TMC8: variants seen among roughly 807,000 people sequenced by gnomAD.
The protein encoded by TMC8 is transmembrane channel like 8.
Under a neutral mutation model 76.0 loss-of-function variants are expected in TMC8, and 71 were observed. That is an observed-to-expected ratio of 0.93 (90% CI 0.77 to 1.14). The LOEUF is 1.14. Ranked by LOEUF, TMC8 falls within the 50% of genes most tolerant of loss-of-function variation. TMC8 has a pLI of 0.00. For missense variants in TMC8, 924 were observed against 947.9 expected, an observed-to-expected ratio of 0.97 and a Z score of 0.33; for synonymous variants, 433 against 433.8, an observed-to-expected ratio of 1.00 and a Z score of 0.02.
chr17:78,131,419 A>C lies in TMC8; in HGVS notation c.-170A>C. The C allele has an allele frequency of 1.1e-6, 1 of 890,962 alleles. No homozygotes were observed. Among genetic ancestry groups the C allele is most frequent in the Admixed American group, 2.3e-5 (1 of 43,584 alleles). The allele number at this position is 890,962 out of a possible 1,614,324, so 55.2% of individuals were successfully genotyped here. A position where few individuals can be genotyped will look rare whatever the true frequency, so the allele number is the denominator to read the frequency against. On this transcript the variant is annotated 5_prime_UTR_variant, in exon 2 of 16. Coordinates refer to ENST00000318430, the MANE Select transcript of TMC8 (RefSeq NM_152468.5). ...CGGCAGACCCGGGCAAGTGAACCCTAGGGCTGCAGGAGCCCAGGCCCCGAC... is the reference window on the plus strand; with the variant it reads ...CGGCAGACCCGGGCAAGTGAACCCTCGGGCTGCAGGAGCCCAGGCCCCGAC...
At chr17:78,132,172 G>A in intron 3 of TMC8, 142 bp downstream of exon 3, 1 of 1,412,388 alleles carries the variant, frequency 7.1e-7, no homozygotes, top group Middle Eastern at 2.0e-4. Context: ...CACCCCTTCC[G>A]CCCGCAGGCA....
At position 78,133,985 on chromosome 17, in the gene TMC8, C is replaced by G. The variant is rs767152216; in HGVS notation, c.801C>G (p.Ile267Met). The G allele has an allele frequency of 1.3e-5, 21 of 1,613,662 alleles. No homozygotes were observed. Among genetic ancestry groups the G allele is most frequent in the Non-Finnish European group, 1.7e-5 (20 of 1,180,052 alleles). ...QEAATIKKHEISNEFKVELEE... is the reference protein window; with the variant it reads ...QEAATIKKHEMSNEFKVELEE... The stretch of plus-strand genomic sequence containing the variant: ...CAGCCACCATCAAGAAGCATGAGAT[C>G]AGCAACGAGTTCAAGGTGTGTGCAC... The change falls in exon 7 of 16, where the codon ATC becomes ATG. Residue 267 changes from isoleucine (I) to methionine (M), a missense_variant. By Grantham distance (10) the Ile-to-Met change is conservative. Coordinates refer to ENST00000318430, the MANE Select transcript of TMC8 (RefSeq NM_152468.5).
rs1231244862 is a variant in TMC8, at chr17:78,131,468, G to C, written c.-121G>C. On this transcript the variant is annotated 5_prime_UTR_variant, in exon 2 of 16. Coordinates refer to ENST00000318430, the MANE Select transcript of TMC8 (RefSeq NM_152468.5). ...ACGCCGGCGCAGAGGGGACGGAAGG[G>C]CCCGCCCCCAGCCCAGCGTGCACAG... The C allele has an allele frequency of 7.2e-6, 10 of 1,396,912 alleles. No individual in the cohort carries two copies. In the African/African-American group the frequency reaches 8.5e-5, roughly 12 times the overall value. The allele number at this position is 1,396,912 out of a possible 1,614,324, so 86.5% of individuals were successfully genotyped here. A position where few individuals can be genotyped will look rare whatever the true frequency, so the allele number is the denominator to read the frequency against.
Position 78,132,953 on chromosome 17 carries a change from C to T in TMC8, c.531+83C>T, listed in dbSNP as rs60591028. On this transcript the variant is annotated intron_variant, in intron 5 of 15. Coordinates refer to ENST00000318430, the MANE Select transcript of TMC8 (RefSeq NM_152468.5). ...TCAGGGGACACAAGTCTAAGAGGAC[C>T]TCTGCTCCTCCAGGGACATTTCGGC... The T allele has an allele frequency of 0.068, 99,247 of 1,461,304 alleles. 3,768 individuals carry two copies. Among genetic ancestry groups the T allele is most frequent in the African/African-American group, 0.12 (8,277 of 71,912 alleles). 90.5% of individuals were successfully genotyped at this position (1,461,304 alleles called of 1,614,324 possible).
chr17:78,138,094 C>T lies in TMC8; in HGVS notation c.1439C>T (p.Ala480Val), dbSNP rs199577034. The stretch of plus-strand genomic sequence containing the variant: ...CCCAAGAATGTGCTGGACATCGTGG[C>T]GGGGCAGACGGTCACCTGGATGGGC... ...LVPKNVLDIV[A>V]GQTVTWMGLF... The change falls in exon 12 of 16, where the codon GCG becomes GTG. Residue 480 changes from alanine (A) to valine (V), a missense_variant. Ala to Val is a moderately conservative substitution (Grantham distance 64, BLOSUM62 0). Transcript: ENST00000318430. 1.4e-5 allele frequency: 23 copies of T among 1,613,842 alleles called. No individual in the cohort carries two copies. In the Middle Eastern group the frequency reaches 4.9e-4, roughly 35 times the overall value.
chr17:78,134,131 G>A, intron 7 of TMC8, 131 bp downstream of exon 7: 1 of 1,361,212 alleles, frequency 7.3e-7, no homozygotes, highest in Middle Eastern at 1.9e-4. Context: ...GTGTGGGAGG[G>A]AGCCTGTGGG....
In TMC8 at chr17:78,141,017, G is replaced by A; in HGVS notation, c.2086G>A (p.Val696Met). The A allele has an allele frequency of 6.2e-7, 1 of 1,600,140 alleles. No individual in the cohort carries two copies. Among genetic ancestry groups the A allele is most frequent in the Non-Finnish European group, 8.5e-7 (1 of 1,174,666 alleles). The change falls in exon 16 of 16, where the codon GTG (valine) becomes ATG (methionine). Residue 696 changes from valine to methionine, a missense_variant. Physicochemically the swap from Val to Met is conservative, Grantham distance 21. Transcript: ENST00000318430. ...GGCCCCGCGGCCGGGCCCCTCCGTCGTGGATGCCGCGGGACTGCGTTCCCC... is the reference window on the plus strand; with the variant it reads ...GGCCCCGCGGCCGGGCCCCTCCGTCATGGATGCCGCGGGACTGCGTTCCCC... Reference protein sequence around the residue: ...HQAPRPGPSVVDAAGLRSPCP... With the variant: ...HQAPRPGPSVMDAAGLRSPCP...
chr17:78,138,761 G>C (rs781067186), intron 14 of TMC8, 29 bp downstream of exon 14: 5 of 1,601,378 alleles, frequency 3.1e-6, no homozygotes, highest in Non-Finnish European at 4.2e-6. Context: ...GCCATGGGAG[G>C]GGACACCTGG....
At position 78,130,862 on chromosome 17, in the gene TMC8, T is replaced by G. The variant is rs1057506636; in HGVS notation, c.-309+11T>G. 3.9e-5 allele frequency: 6 copies of G among 153,254 alleles called. No individual in the cohort carries two copies. Among genetic ancestry groups the G allele is most frequent in the African/African-American group, 1.4e-4 (6 of 41,434 alleles). 9.5% of individuals were successfully genotyped at this position (153,254 alleles called of 1,614,324 possible). Reference sequence around the variant, plus strand: ...TCCCTAGGTCCCCAGGTGAGCTGGATGTCCAGTGGAGGGAGAATGCAGAGG... The same window carrying G: ...TCCCTAGGTCCCCAGGTGAGCTGGAGGTCCAGTGGAGGGAGAATGCAGAGG... On this transcript the variant is annotated intron_variant, in intron 1 of 15. Coordinates refer to ENST00000318430, the MANE Select transcript of TMC8 (RefSeq NM_152468.5).
Position 78,131,425 on chromosome 17 carries a change from G to T in TMC8, c.-164G>T, listed in dbSNP as rs2074961120. 1 of 955,590 alleles carries T rather than the reference G, an allele frequency of 1.0e-6. No homozygotes were observed. The highest frequency in any genetic ancestry group is 2.2e-5 in the Admixed American group (1 of 44,764). 59.2% of individuals were successfully genotyped at this position (955,590 alleles called of 1,614,324 possible). On this transcript the variant is annotated 5_prime_UTR_variant, in exon 2 of 16. Coordinates refer to ENST00000318430, the MANE Select transcript of TMC8 (RefSeq NM_152468.5). ...ACCCGGGCAAGTGAACCCTAGGGCT[G>T]CAGGAGCCCAGGCCCCGACGCCGGC...
intron 14 of TMC8, 112 bp downstream of exon 14, chr17:78,138,844 AAGGG>A: frequency 6.4e-7 from 1 of 1,557,588 alleles, no homozygotes; most frequent in Non-Finnish European, 8.6e-7. Context: ...GCAGAAAGCC[AAGGG>A]AAGCAGGGGC....
Position 78,131,289 on chromosome 17 carries a change from A to G in TMC8, c.-300A>G. 1.9e-6 allele frequency: 1 copy of G among 531,808 alleles called. No individual in the cohort carries two copies. The highest frequency in any genetic ancestry group is 3.4e-6 in the Non-Finnish European group (1 of 293,412). The allele number at this position is 531,808 out of a possible 1,614,324, so 32.9% of individuals were successfully genotyped here. On this transcript the variant is annotated 5_prime_UTR_variant, in exon 2 of 16. Transcript: ENST00000318430. Reference sequence around the variant, plus strand: ...TTCACCCCATTTGACAGATGGGGAGACTGAGGCCGTGGCTGTGTGTCCCTC... The same window carrying G: ...TTCACCCCATTTGACAGATGGGGAGGCTGAGGCCGTGGCTGTGTGTCCCTC...
chr17:78,131,723 C>T lies in TMC8; in HGVS notation c.135C>T (p.Asp45=). The T allele has an allele frequency of 6.3e-7, 1 of 1,584,710 alleles. No homozygotes were observed. The highest frequency in any genetic ancestry group is 8.6e-7 in the Non-Finnish European group (1 of 1,167,478). Residue 45 remains aspartate (D), a synonymous_variant, in exon 2 of 16, where the codon GAC becomes GAT. Transcript: ENST00000318430. The stretch of plus-strand genomic sequence containing the variant: ...GCGGGCTGCCCTATGCCATGATGGA[C>T]AAGCGCCTCATCTGGTGGGTGCCAC... ...PVRGLPYAMM[D]KRLIWQLREP...
chr17:78,133,763 G>A lies in TMC8; in HGVS notation c.669-90G>A, dbSNP rs1378839296. On this transcript the variant is annotated intron_variant, in intron 6 of 15. Coordinates refer to ENST00000318430, the MANE Select transcript of TMC8 (RefSeq NM_152468.5). The stretch of plus-strand genomic sequence containing the variant: ...CCAGGACCTGCACCTGGGGCTGCAG[G>A]GGCCTTCCCAGACCCAGAGCCGAGC... The A allele has an allele frequency of 6.3e-6, 10 of 1,593,984 alleles. No individual in the cohort carries two copies. In the African/African-American group the frequency reaches 6.7e-5, roughly 11 times the overall value.
intron 9 of TMC8, among the ~76,000 whole-genome samples, chr17:78,135,334 C>T (rs1012764045): frequency 6.6e-6 from 1 of 152,192 alleles, no homozygotes; most frequent in Non-Finnish European, 1.5e-5. Context: ...AGAGCTTCTA[C>T]ATGCCGAGGG....
rs758680213 is a variant in TMC8 at position 78,132,856 on chromosome 17, G to A, written c.517G>A (p.Val173Ile). Reference sequence around the variant, plus strand: ...GAGGTTCCACAATCAACTTTGGCATGTTTTGACTGGCAGGGTGAGTGAGGT... The same window carrying A: ...GAGGTTCCACAATCAACTTTGGCATATTTTGACTGGCAGGGTGAGTGAGGT... ...VLRFHNQLWHVLTGRAFTNTY... is the reference protein window; with the variant it reads ...VLRFHNQLWHILTGRAFTNTY... Residue 173 changes from valine (V) to isoleucine (I), a missense_variant, in exon 5 of 16, where the codon GTT becomes ATT. Transcript: ENST00000318430. The A allele has an allele frequency of 1.2e-6, 2 of 1,614,246 alleles. No individual in the cohort carries two copies. Among genetic ancestry groups the A allele is most frequent in the East Asian group, 2.2e-5 (1 of 44,890 alleles).
intron 7 of TMC8, 122 bp downstream of exon 7, chr17:78,134,122 T>G: frequency 6.9e-7 from 1 of 1,448,578 alleles, no homozygotes. Context: ...TGTGAGCGTG[T>G]GTGGGAGGGA....
chr17:78,137,477 G>C (rs2075264298), intron 10 of TMC8, 119 bp downstream of exon 10: 3 of 1,562,258 alleles, frequency 1.9e-6, no homozygotes, highest in African/African-American at 1.4e-5. Context: ...CTGTGAGCAG[G>C]GCTGCCTGCA....
chr17:78,138,569 G>T lies in TMC8; in HGVS notation c.1665-5G>T, dbSNP rs11651864. The stretch of plus-strand genomic sequence containing the variant: ...TGCCAGCCCCACTTGGCCATCTCTC[G>T]CCAGCATCCACTCCTCCTGGGACTG... On this transcript the variant is annotated splice_region_variant and splice_polypyrimidine_tract_variant and intron_variant, in intron 13 of 15. Transcript: ENST00000318430. 62,218 of 1,613,736 alleles carry T rather than the reference G, an allele frequency of 0.039. 1,466 individuals carry two copies. Among genetic ancestry groups the T allele is most frequent in the South Asian group, 0.085 (7,741 of 91,082 alleles).
Sources: gnomAD v4.1 joint callset for allele counts (sites outside exome capture counted in the v4.1 genomes callset) on GRCh38, gnomAD v4.1.1 for gene constraint, MANE v1.5 for transcripts, NCBI Gene and HGNC (gene_info 2026-07-23, HGNC 2026-07-21) for gene names.